The following DNAH2 variants were observed in gnomAD, a reference collection of about 807,000 sequenced individuals.
The protein encoded by DNAH2 is dynein axonemal heavy chain 2.
A neutral mutation model predicts 523.5 loss-of-function variants in DNAH2; 323 were observed. The observed-to-expected ratio is 0.62, with a 90% CI of 0.56 to 0.68. The LOEUF is 0.68. Ranked by LOEUF, DNAH2 falls within the 30% of genes least tolerant of loss-of-function variation. The pLI, the probability that DNAH2 is intolerant of heterozygous loss-of-function variation, is 0.00. For synonymous variants in DNAH2, 2,093 were observed against 2,177.4 expected (o/e 0.96, Z 1.08); for missense variants, 4,907 against 5,701.5 (o/e 0.86, Z 4.49).
intron 58 of DNAH2, 136 bp from the exon 59 acceptor site, chr17:7,804,120 C>T: frequency 1.2e-6 from 1 of 843,128 alleles, no homozygotes; most frequent in South Asian, 1.7e-5. Flanking sequence ...AGAATCCCGA[C>T]CAGGATGGTG....
In DNAH2 at chr17:7,798,805, C is replaced by T; in HGVS notation, c.8559+87C>T. On this transcript the variant is annotated intron_variant, in intron 55 of 85. Coordinates refer to ENST00000572933, the MANE Select transcript of DNAH2 (RefSeq NM_020877.5). This position sits in a 1 kb window ranked among gnomAD's most constrained non-coding sequence, Gnocchi z 5.5. ...GGACCACAGCTCCCAGAATGTGCCACTGGCACACCCCCACTGCCACACCCC... is the reference window on the plus strand; with the variant it reads ...GGACCACAGCTCCCAGAATGTGCCATTGGCACACCCCCACTGCCACACCCC... The T allele has an allele frequency of 4.1e-6, 6 of 1,476,400 alleles. No homozygotes were observed. The highest frequency in any genetic ancestry group is 5.5e-6 in the Non-Finnish European group (6 of 1,086,620). 91.5% of individuals were successfully genotyped at this position (1,476,400 alleles called of 1,614,324 possible). A position where few individuals can be genotyped will look rare whatever the true frequency, so the allele number is the denominator to read the frequency against.
chr17:7,737,006 C>G (rs968107688), intron 7 of DNAH2, 61 bp from the exon 8 acceptor site: 3 of 1,378,632 alleles, frequency 2.2e-6, no homozygotes, highest in African/African-American at 2.9e-5. Flanking sequence ...AATAAAAGCA[C>G]TTGTGTTGAA....
intron 25 of DNAH2, 67 bp downstream of exon 25, chr17:7,770,475 A>C (rs2076284129): frequency 9.3e-6 from 15 of 1,613,408 alleles, no homozygotes; most frequent in Non-Finnish European, 1.3e-5. Context: ...CCAGCTGTTC[A>C]TCATCTGATG....
rs772388783 is a variant in DNAH2 at position 7,798,592 on chromosome 17, G to C, written c.8433G>C (p.Glu2811Asp). ...IKRLYRQAGV[E>D]LKTTSFIFVD... ...GTCTGTATCGCCAGGCTGGGGTGGA[G>C]CTCAAGACCACGTCCTTCATTTTTG... Residue 2811 changes from glutamate to aspartate, a missense_variant, in exon 55 of 86, where the codon GAG becomes GAC. Glu to Asp is a conservative substitution (Grantham distance 45). This residue lies in a region of DNAH2 where 1,851 missense variants were observed against 2,139.4 expected (regional missense o/e 0.87). Coordinates refer to ENST00000572933, the MANE Select transcript of DNAH2 (RefSeq NM_020877.5). The surrounding 1 kb of genome is among the most constrained non-coding windows in gnomAD (Gnocchi z 5.5). 5.0e-6 allele frequency: 8 copies of C among 1,614,038 alleles called. No homozygotes were observed. The highest frequency in any genetic ancestry group is 1.1e-5 in the South Asian group (1 of 91,082).
At chr17:7,779,470 G>C (rs772192496) in intron 36 of DNAH2, 47 bp downstream of exon 36, 2 of 1,582,102 alleles carry the variant, frequency 1.3e-6, no homozygotes, top group South Asian at 1.1e-5. Context: ...GAAGAACTGG[G>C]TGTTCAGGGG....
intron 64 of DNAH2, 131 bp downstream of exon 64, chr17:7,816,866 C>T (rs1025131266): frequency 8.2e-5 from 96 of 1,173,574 alleles, no homozygotes; most frequent in Middle Eastern, 2.9e-4. Flanking sequence ...AGAACTGAGG[C>T]GTGGGAGCTC....
At chr17:7,801,340 T>C (rs984532958) in intron 56 of DNAH2, among the ~76,000 whole-genome samples, 5 of 149,074 alleles carry the variant, frequency 3.4e-5, no homozygotes, top group African/African-American at 9.9e-5. Context: ...AGAGCTTAGA[T>C]ACTTGCTGGA....
intron 1 of DNAH2, 66 bp from the exon 2 acceptor site, chr17:7,719,654 CT>C: frequency 6.3e-7 from 1 of 1,581,542 alleles, no homozygotes; most frequent in Non-Finnish European, 8.7e-7. Context: ...AAAGGGACTG[CT>C]TGTATCAGGG....
chr17:7,774,689 A>G, intron 28 of DNAH2, 70 bp from the exon 29 acceptor site: 1 of 1,379,872 alleles, frequency 7.2e-7, no homozygotes, highest in Non-Finnish European at 1.0e-6. Context: ...AAGAACACAG[A>G]GTTGGGGCAT....
intron 58 of DNAH2, among the ~76,000 whole-genome samples, chr17:7,803,256 G>T (rs369954296): frequency 6.6e-6 from 1 of 152,288 alleles, no homozygotes. Flanking sequence ...TGCCTGGCCG[G>T]TTATAAATCA....
intron 18 of DNAH2, among the ~76,000 whole-genome samples, chr17:7,762,660 G>A (rs1480630530): frequency 6.6e-6 from 1 of 150,750 alleles, no homozygotes; most frequent in African/African-American, 2.4e-5. Context: ...TCAACAGGCA[G>A]AGATGGGCAG....
intron 4 of DNAH2, among the ~76,000 whole-genome samples, chr17:7,732,783 G>A (rs182992230): frequency 3.3e-5 from 5 of 151,982 alleles, no homozygotes; most frequent in African/African-American, 1.2e-4. Context: ...CTATCGATCC[G>A]TTCATCCATC....
intron 13 of DNAH2, among the ~76,000 whole-genome samples, chr17:7,757,654 TG>T (rs1267837467): frequency 6.6e-6 from 1 of 152,228 alleles, no homozygotes; most frequent in Non-Finnish European, 1.5e-5. Context: ...GGCTTTGTTC[TG>T]GGTTAGGTAC....
intron 51 of DNAH2, 54 bp downstream of exon 51, chr17:7,797,315 C>T: frequency 1.1e-5 from 17 of 1,613,462 alleles, no homozygotes; most frequent in Non-Finnish European, 1.4e-5. Context: ...TGCTCCCACC[C>T]CTACTTTGTT....
At chr17:7,796,091 C>A (rs1377968285) in intron 49 of DNAH2, among the ~76,000 whole-genome samples, 1 of 135,498 alleles carries the variant, frequency 7.4e-6, no homozygotes, top group African/African-American at 2.8e-5. Flanking sequence ...ACTCATTGCC[C>A]AAGCTGGAGT....
Position 7,780,215 on chromosome 17 carries a change from C to T in DNAH2, c.5781C>T (p.Ala1927=). The T allele has an allele frequency of 6.2e-7, 1 of 1,614,202 alleles. No homozygotes were observed. Among genetic ancestry groups the T allele is most frequent in the Non-Finnish European group, 8.5e-7 (1 of 1,180,038 alleles). Residue 1927 remains alanine, a synonymous_variant, in exon 37 of 86, where the codon GCC becomes GCT. Transcript: ENST00000572933. The surrounding 1 kb of genome is among the most constrained non-coding windows in gnomAD (Gnocchi z 4.4). ...TTAAATCCATGTTCCGCCCAATTGCCATGGTGGTGCCTGACTCCACCCTCA... is the reference window on the plus strand; with the variant it reads ...TTAAATCCATGTTCCGCCCAATTGCTATGGTGGTGCCTGACTCCACCCTCA... ...ENLKSMFRPI[A]MVVPDSTLIA...
intron 48 of DNAH2, among the ~76,000 whole-genome samples, chr17:7,793,957 GAC>G (rs2076992817): frequency 6.6e-6 from 1 of 151,916 alleles, no homozygotes; most frequent in Non-Finnish European, 1.5e-5. Context: ...AAGTCTAGAA[GAC>G]ACAAATGTTT....
chr17:7,744,293 C>CAAAA (rs397977899), intron 12 of DNAH2, among the ~76,000 whole-genome samples: 3 of 37,108 alleles, frequency 8.1e-5, no homozygotes, highest in African/African-American at 2.9e-4. Context: ...GTCTCCGTCT[C>CAAAA]AAAAAAAAAA....
rs948764058 is a variant in DNAH2 at position 7,798,453 on chromosome 17, G to A, written c.8399-105G>A. On this transcript the variant is annotated intron_variant, in intron 54 of 85. Transcript: ENST00000572933. The surrounding 1 kb of genome is among the most constrained non-coding windows in gnomAD (Gnocchi z 5.5). ...CCCGTGTTGGGTGTAGGATGGTGTC[G>A]CGTGTATGCTGCGGGGCGGGGAGGG... is the stretch of plus-strand genomic sequence containing the variant. 12 of 1,544,756 alleles carry A rather than the reference G, an allele frequency of 7.8e-6. No homozygotes were observed. Among genetic ancestry groups the A allele is most frequent in the Non-Finnish European group, 1.0e-5 (12 of 1,146,158 alleles).
Sources: gnomAD v4.1 joint callset for allele counts (sites outside exome capture counted in the v4.1 genomes callset) on GRCh38, gnomAD v4.1.1 for gene constraint, gnomAD v4.1.1 regional missense constraint, Gnocchi (gnomAD v3.1) non-coding constraint, MANE v1.5 for transcripts, NCBI Gene and HGNC (gene_info 2026-07-23, HGNC 2026-07-21) for gene names.